The following MUC5B variants were observed in gnomAD, a reference collection of about 807,000 sequenced individuals.
MUC5B encodes the protein mucin-5B.
A neutral mutation model predicts 376.9 loss-of-function variants in MUC5B; 116 were observed. The observed-to-expected ratio is 0.31, with a 90% CI of 0.26 to 0.36. The LOEUF (loss-of-function observed/expected upper bound fraction) is 0.36. Among genes scored for constraint, MUC5B ranks in the 10% least tolerant of loss-of-function variants. The pLI is 1.00. For missense variants in MUC5B, 7,165 were observed against 7,769.9 expected, an observed-to-expected ratio of 0.92 and a Z score of 2.93; for synonymous variants, 3,517 against 3,390.9, an observed-to-expected ratio of 1.04 and a Z score of -1.29.
At position 1,235,358 on chromosome 11, in the gene MUC5B, T is replaced by A; in HGVS notation, c.2825T>A (p.Ile942Asn). ...ACCTTCCGCATCGTCACCGAGAACA[T>A]CCCCTGTGGGACCACCGGCACCACC... The part of the protein sequence containing the change: ...HGTFRIVTEN[I>N]PCGTTGTTCS... Residue 942 changes from isoleucine to asparagine, a missense_variant, in exon 23 of 49, where the codon ATC becomes AAC. This residue lies in a region of MUC5B where 530 missense variants were observed against 604.0 expected (regional missense o/e 0.88). Coordinates refer to ENST00000529681, the MANE Select transcript of MUC5B (RefSeq NM_002458.3). 2 of 1,611,932 alleles carry A rather than the reference T, an allele frequency of 1.2e-6. No individual in the cohort carries two copies. Among genetic ancestry groups the A allele is most frequent in the Non-Finnish European group, 1.7e-6 (2 of 1,179,564 alleles).
At position 1,229,625 on chromosome 11, in the gene MUC5B, C is replaced by T. The variant is rs571006245; in HGVS notation, c.1103-65C>T. On this transcript the variant is annotated intron_variant, in intron 9 of 48. Coordinates refer to ENST00000529681, the MANE Select transcript of MUC5B (RefSeq NM_002458.3). The stretch of plus-strand genomic sequence containing the variant: ...AAGGGAGGCAGCTTGTCCCCAAGGC[C>T]GGTGTCTTCTGACCTTGGTGTCCCC... The T allele has an allele frequency of 7.7e-4, 1,057 of 1,370,876 alleles. 1 individual carries two copies. The highest frequency in any genetic ancestry group is 1.2e-3 in the Admixed American group (61 of 49,566). The allele number at this position is 1,370,876 out of a possible 1,614,324, so 84.9% of individuals were successfully genotyped here. A position where few individuals can be genotyped will look rare whatever the true frequency, so the allele number is the denominator to read the frequency against.
chr11:1,231,147 C>T (rs1039256237), intron 13 of MUC5B, 142 bp downstream of exon 13: 29 of 935,276 alleles, frequency 3.1e-5, no homozygotes, highest in East Asian at 2.4e-4. Context: ...CTCGGTTTCT[C>T]GTCTGCAGAG....
At position 1,246,398 on chromosome 11, in the gene MUC5B, T is replaced by A; in HGVS notation, c.9518T>A (p.Val3173Glu). Residue 3173 changes from valine to glutamate, a missense_variant, in exon 31 of 49, where the codon GTG becomes GAG. This residue lies in a region of MUC5B where 939 missense variants were observed against 770.6 expected (regional missense o/e 1.22). Coordinates refer to ENST00000529681, the MANE Select transcript of MUC5B (RefSeq NM_002458.3). ...ACAGAGCCCAGCACTACAGCCACCGTGACGGTGCCCACCGGATCCACGGCC... is the reference window on the plus strand; with the variant it reads ...ACAGAGCCCAGCACTACAGCCACCGAGACGGTGCCCACCGGATCCACGGCC... ...ILTEPSTTAT[V>E]TVPTGSTATA... 6.2e-7 allele frequency: 1 copy of A among 1,612,870 alleles called. No homozygotes were observed. Among genetic ancestry groups the A allele is most frequent in the Non-Finnish European group, 8.5e-7 (1 of 1,179,596 alleles).
In MUC5B at chr11:1,247,747, C is replaced by A; in HGVS notation, c.10867C>A (p.Pro3623Thr). The change falls in exon 31 of 49, where the codon CCT becomes ACT. Residue 3623 changes from proline (P) to threonine (T), a missense_variant. By Grantham distance (38) the Pro-to-Thr change is conservative (BLOSUM62 -1). Transcript: ENST00000529681. ...LGLECRAQAQ[P>T]GVPLRELGQV... ...CCTCGAGTGCCGTGCCCAGGCCCAG[C>A]CTGGTGTCCCCCTGCGGGAGTTGGG... is the stretch of plus-strand genomic sequence containing the variant. The A allele has an allele frequency of 6.2e-7, 1 of 1,606,812 alleles. No homozygotes were observed. The highest frequency in any genetic ancestry group is 8.5e-7 in the Non-Finnish European group (1 of 1,177,350).
At chr11:1,254,611 A>G in intron 34 of MUC5B, 83 bp from the exon 35 acceptor site, 1 of 1,389,700 alleles carries the variant, frequency 7.2e-7, no homozygotes, top group Non-Finnish European at 9.8e-7. Context: ...CTGCACATGG[A>G]GGCAGAGCCC....
In MUC5B at chr11:1,254,188, T is replaced by A; in HGVS notation, c.15314T>A (p.Ile5105Asn). Residue 5105 changes from isoleucine to asparagine, a missense_variant, in exon 34 of 49, where the codon ATC becomes AAC. Physicochemically the swap from Ile to Asn is moderately radical, Grantham distance 149. This residue lies in a region of MUC5B where 842 missense variants were observed against 1,016.9 expected (regional missense o/e 0.83). Transcript: ENST00000529681. ...TGCACCTATGTCCTCATGAGAGAGA[T>A]CCATGCACGCTTTGGGAATCTCAGC... The part of the protein sequence containing the change: ...GNCTYVLMRE[I>N]HARFGNLSLY... 1 of 1,612,864 alleles carries A rather than the reference T, an allele frequency of 6.2e-7. No homozygotes were observed. The highest frequency in any genetic ancestry group is 8.5e-7 in the Non-Finnish European group (1 of 1,179,852).
Position 1,250,633 on chromosome 11 carries a change from C to T in MUC5B, c.13753C>T (p.Pro4585Ser). The T allele has an allele frequency of 6.2e-7, 1 of 1,612,830 alleles. No individual in the cohort carries two copies. Among genetic ancestry groups the T allele is most frequent in the Non-Finnish European group, 8.5e-7 (1 of 1,179,090 alleles). The change falls in exon 31 of 49, where the codon CCA becomes TCA. Residue 4585 changes from proline (P) to serine (S), a missense_variant. Pro to Ser is a moderately conservative substitution (Grantham distance 74). Coordinates refer to ENST00000529681, the MANE Select transcript of MUC5B (RefSeq NM_002458.3). The stretch of plus-strand genomic sequence containing the variant: ...CTCTGTGGCCACCCCCTCCTCCACC[C>T]CAGGAACAGCTCACACTACCAAAGT... Reference protein sequence around the residue: ...TGSVATPSSTPGTAHTTKVPT... With the variant: ...TGSVATPSSTSGTAHTTKVPT...
chr11:1,255,331 A>T (rs1340669349), intron 36 of MUC5B, 52 bp from the exon 37 acceptor site: 4 of 1,376,692 alleles, frequency 2.9e-6, no homozygotes, highest in Non-Finnish European at 3.9e-6. Context: ...GCACGCACGC[A>T]CGCAGCTCCC....
intron 25 of MUC5B, 107 bp from the exon 26 acceptor site, chr11:1,238,763 TG>T: frequency 1.7e-6 from 2 of 1,208,372 alleles, no homozygotes; most frequent in East Asian, 2.6e-5. Flanking sequence ...AGAGCTGCCA[TG>T]GGGGGTGTTG....
Position 1,239,932 on chromosome 11 carries a change from C to T in MUC5B, c.3717C>T (p.Asn1239=), listed in dbSNP as rs1162255479. 4 of 1,613,084 alleles carry T rather than the reference C, an allele frequency of 2.5e-6. No homozygotes were observed. Among genetic ancestry groups the T allele is most frequent in the Non-Finnish European group, 3.4e-6 (4 of 1,179,666 alleles). ...GTGCAAGGGTCCCCACAGCGGAGAACTGCCAGAGCTGGTGAGGGGGTGGGA... is the reference window on the plus strand; with the variant it reads ...GTGCAAGGGTCCCCACAGCGGAGAATTGCCAGAGCTGGTGAGGGGGTGGGA... ...DVGARVPTAE[N]CQSCNCTPSG... is the part of the protein sequence containing the mutation. The change falls in exon 28 of 49, where the codon AAC becomes AAT. Residue 1239 remains asparagine (N), a synonymous_variant. Transcript: ENST00000529681.
chr11:1,242,400 C>A lies in MUC5B; in HGVS notation c.5520C>A (p.Ile1840=), dbSNP rs373201698. 3 of 1,613,856 alleles carry A rather than the reference C, an allele frequency of 1.9e-6. No homozygotes were observed. The highest frequency in any genetic ancestry group is 1.3e-5 in the African/African-American group (1 of 75,002). ...CRAENYPEVS[I]DQVGQVLTCS... is the part of the protein sequence containing the mutation. Reference sequence around the variant, plus strand: ...CGGAGAACTACCCCGAGGTAAGCATCGACCAGGTCGGGCAGGTGCTGACCT... The same window carrying A: ...CGGAGAACTACCCCGAGGTAAGCATAGACCAGGTCGGGCAGGTGCTGACCT... The change falls in exon 31 of 49, where the codon ATC becomes ATA. Residue 1840 remains isoleucine, a synonymous_variant. Coordinates refer to ENST00000529681, the MANE Select transcript of MUC5B (RefSeq NM_002458.3).
chr11:1,227,443 C>T (rs1861914222), intron 6 of MUC5B, 45 bp downstream of exon 6: 2 of 1,450,246 alleles, frequency 1.4e-6, no homozygotes, highest in Non-Finnish European at 1.9e-6. Context: ...TTATGTCGGC[C>T]AACGAAGAGC....
At chr11:1,227,462 C>A (rs958162012) in intron 6 of MUC5B, 64 bp downstream of exon 6, 1 of 1,316,132 alleles carries the variant, frequency 7.6e-7, no homozygotes, top group East Asian at 2.5e-5. Flanking sequence ...GCCACAGTCC[C>A]GGGGAGGCCG....
rs1405970344 is a variant in MUC5B, at chr11:1,261,831, G to A, written c.*223G>A. 1 of 698,002 alleles carries A rather than the reference G, an allele frequency of 1.4e-6. No homozygotes were observed. The highest frequency in any genetic ancestry group is 2.7e-5 in the East Asian group (1 of 37,000). The allele number at this position is 698,002 out of a possible 1,614,324, so 43.2% of individuals were successfully genotyped here. A position where few individuals can be genotyped will look rare whatever the true frequency, so the allele number is the denominator to read the frequency against. ...GCGCCACTCAGGAGTCCTACCCTGGGAGAGCCTGTGGCCCACCTTGGCCTT... is the reference window on the plus strand; with the variant it reads ...GCGCCACTCAGGAGTCCTACCCTGGAAGAGCCTGTGGCCCACCTTGGCCTT... On this transcript the variant is annotated 3_prime_UTR_variant, in exon 49 of 49. Transcript: ENST00000529681.
In MUC5B at chr11:1,233,838, G is replaced by C. The variant is rs376281469; in HGVS notation, c.2367G>C (p.Gln789His). 2.2e-4 allele frequency: 356 copies of C among 1,602,242 alleles called. No homozygotes were observed. The highest frequency in any genetic ancestry group is 5.2e-4 in the Middle Eastern group (3 of 5,744). Residue 789 changes from glutamine to histidine, a missense_variant, in exon 19 of 49, where the codon CAG (glutamine) becomes CAC (histidine). Transcript: ENST00000529681. ...GKLSCLGASL[Q>H]KSTGCAAPMV... ...TAAGCTGCCTGGGAGCCTCTCTGCA[G>C]AAAAGCACAGGTAAGTGCCACCCCT...
rs1356729261 is a variant in MUC5B, at chr11:1,251,569, T to C, written c.14689T>C (p.Ser4897Pro). 2.5e-6 allele frequency: 4 copies of C among 1,612,818 alleles called. No homozygotes were observed. In the South Asian group the frequency reaches 4.4e-5, roughly 18 times the overall value. Residue 4897 changes from serine (S) to proline (P), a missense_variant, in exon 31 of 49, where the codon TCG becomes CCG. This residue lies in a region of MUC5B where 730 missense variants were observed against 592.7 expected (regional missense o/e 1.23). Transcript: ENST00000529681. ...PTATASTVPS[S>P]STVGTTRTPA... Reference sequence around the variant, plus strand: ...AGCCACTGCCTCCACGGTTCCCAGCTCGTCCACCGTGGGGACCACCCGCAC... The same window carrying C: ...AGCCACTGCCTCCACGGTTCCCAGCCCGTCCACCGTGGGGACCACCCGCAC...
chr11:1,231,864 G>C, intron 14 of MUC5B, 132 bp from the exon 15 acceptor site: 1 of 1,285,640 alleles, frequency 7.8e-7, no homozygotes, highest in Non-Finnish European at 1.1e-6. Context: ...ATCTGCAGAG[G>C]GTTCTGGGAG....
At chr11:1,224,605 C>T (rs1402899556) in intron 1 of MUC5B, among the ~76,000 whole-genome samples, 1 of 149,894 alleles carries the variant, frequency 6.7e-6, no homozygotes, top group Non-Finnish European at 1.5e-5. Flanking sequence ...GAGGGGCTGC[C>T]TGCGGCGGGA....
chr11:1,242,587 A>T lies in MUC5B; in HGVS notation c.5707A>T (p.Thr1903Ser). The T allele has an allele frequency of 6.2e-7, 1 of 1,613,588 alleles. No homozygotes were observed. Among genetic ancestry groups the T allele is most frequent in the Non-Finnish European group, 8.5e-7 (1 of 1,179,762 alleles). Reference protein sequence around the residue: ...STATPSSTPGTTWILTKPTTT... With the variant: ...STATPSSTPGSTWILTKPTTT... ...GGCCACGCCCTCCTCAACTCCGGGG[A>T]CGACCTGGATCCTCACAAAGCCGAC... is the stretch of plus-strand genomic sequence containing the variant. Residue 1903 changes from threonine (T) to serine (S), a missense_variant, in exon 31 of 49, where the codon ACG becomes TCG. Thr to Ser is a moderately conservative substitution (Grantham distance 58, BLOSUM62 1). Around this residue, in one of 31 missense-constraint regions of MUC5B, gnomAD observed 897 missense variants for 779.6 expected, o/e 1.15. Transcript: ENST00000529681.
Sources: gnomAD v4.1 joint callset for allele counts (sites outside exome capture counted in the v4.1 genomes callset) on GRCh38, gnomAD v4.1.1 for gene constraint, gnomAD v4.1.1 regional missense constraint, MANE v1.5 for transcripts, NCBI Gene and HGNC (gene_info 2026-07-23, HGNC 2026-07-21) for gene names.